The following OGDH variants were observed in gnomAD, a reference collection of about 807,000 sequenced individuals.
OGDH encodes the protein oxoglutarate dehydrogenase.
OGDH carries 38 observed loss-of-function variants against 116.6 expected under a neutral mutation model. The observed-to-expected ratio is 0.33, with a 90% CI of 0.25 to 0.43. The LOEUF (loss-of-function observed/expected upper bound fraction) is 0.43. Among genes scored for constraint, OGDH ranks in the 20% least tolerant of loss-of-function variants. OGDH has a pLI of 1.00. For missense variants in OGDH, 825 were observed against 1,357.2 expected (o/e 0.61, Z 6.16); for synonymous variants, 488 against 533.3 (o/e 0.92, Z 1.17).
At chr7:44,685,955 A>AT (rs1788108058) in intron 10 of OGDH, among the ~76,000 whole-genome samples, 1 of 152,022 alleles carries the variant, frequency 6.6e-6, no homozygotes, top group African/African-American at 2.4e-5. Context: ...TGGAGTATAT[A>AT]TCCAGAAGTG....
chr7:44,643,094 TA>T (rs769649359), intron 2 of OGDH, among the ~76,000 whole-genome samples: 6,229 of 124,436 alleles, frequency 0.05, 143 homozygotes, highest in East Asian at 0.12. Context: ...CCTGTTTCTT[TA>T]AAAAAAAAAA....
At chr7:44,649,766 C>T (rs1029602099) in intron 4 of OGDH, among the ~76,000 whole-genome samples, 3 of 152,134 alleles carry the variant, frequency 2.0e-5, no homozygotes, top group Non-Finnish European at 4.4e-5. Context: ...TGTCAACATA[C>T]GCACTAATTT....
rs968276587 is a variant in OGDH, at chr7:44,683,341, G to A, written c.1335+1493G>A. Among the ~76,000 whole-genome samples the A allele has an allele frequency of 1.7e-4, 26 of 152,126 alleles. No individual in the cohort carries two copies. The East Asian group carries it at 4.6e-3, about 27-fold the overall frequency. The stretch of plus-strand genomic sequence containing the variant: ...AACTCATGGACTCAAGCATCTTCCT[G>A]CCTCAGCCTCCCGAGTAGCAAGGAC... On this transcript the variant is annotated intron_variant, in intron 10 of 22. Transcript: ENST00000222673.
At chr7:44,662,358 A>G (rs959038835) in intron 4 of OGDH, among the ~76,000 whole-genome samples, 1 of 151,856 alleles carries the variant, frequency 6.6e-6, no homozygotes, top group Non-Finnish European at 1.5e-5. Context: ...CTTCATTCCT[A>G]CAGGACATTT....
At position 44,674,450 on chromosome 7, in the gene OGDH, G is replaced by A. The variant is rs769457671; in HGVS notation, c.828G>A (p.Lys276=). 6.2e-7 allele frequency: 1 copy of A among 1,614,162 alleles called. No homozygotes were observed. The highest frequency in any genetic ancestry group is 1.3e-5 in the African/African-American group (1 of 75,046). The change falls in exon 7 of 23, where the codon AAG becomes AAA. Residue 276 remains lysine (K), a synonymous_variant. Transcript: ENST00000222673. ...TACAGCGGAAGTGGTCCTCTGAGAA[G>A]CGCTTTGGTCTAGAAGGCTGCGAGG... is the stretch of plus-strand genomic sequence containing the variant. ...EFLQRKWSSE[K]RFGLEGCEVL...
chr7:44,629,342 T>C (rs1365451027), intron 2 of OGDH, among the ~76,000 whole-genome samples: 1 of 152,192 alleles, frequency 6.6e-6, no homozygotes, highest in Non-Finnish European at 1.5e-5. Context: ...TGGAAGGAGC[T>C]GGGGCCTGTT....
intron 4 of OGDH, among the ~76,000 whole-genome samples, chr7:44,655,773 T>G (rs914941651): frequency 1.3e-5 from 2 of 152,210 alleles, no homozygotes; most frequent in African/African-American, 4.8e-5. Context: ...TTGGGTTGTT[T>G]TCAGCTAGCA....
rs746287715 is a variant in OGDH at position 44,681,621 on chromosome 7, C to T, written c.1207-99C>T. The T allele has an allele frequency of 4.1e-4, 600 of 1,469,328 alleles. 1 individual carries two copies. The highest frequency in any genetic ancestry group is 5.3e-4 in the Non-Finnish European group (572 of 1,085,344). 91.0% of individuals were successfully genotyped at this position (1,469,328 alleles called of 1,614,324 possible). A position where few individuals can be genotyped will look rare whatever the true frequency, so the allele number is the denominator to read the frequency against. ...TTCTATGTTTGAAATTATCTCAAAACGTTATTTTTTGAAAAACAAATGATG... is the reference window on the plus strand; with the variant it reads ...TTCTATGTTTGAAATTATCTCAAAATGTTATTTTTTGAAAAACAAATGATG... On this transcript the variant is annotated intron_variant, in intron 9 of 22. Coordinates refer to ENST00000222673, the MANE Select transcript of OGDH (RefSeq NM_002541.4).
At position 44,616,938 on chromosome 7, in the gene OGDH, G is replaced by A. The variant is rs1784828805; in HGVS notation, c.-27-7379G>A. Among the ~76,000 whole-genome samples, 5 of 128,084 alleles carry A rather than the reference G, an allele frequency of 3.9e-5. No homozygotes were observed. The South Asian group carries it at 7.8e-4, about 20-fold the overall frequency. 84.0% of individuals were successfully genotyped at this position (128,084 alleles called of 152,430 possible). A position where few individuals can be genotyped will look rare whatever the true frequency, so the allele number is the denominator to read the frequency against. On this transcript the variant is annotated intron_variant, in intron 1 of 22. Coordinates refer to ENST00000222673, the MANE Select transcript of OGDH (RefSeq NM_002541.4). ...TGCACTCCATCCTGGACGACAGAGCGAGACTCCTTTCGGAGCTCTGGAGTC... is the reference window on the plus strand; with the variant it reads ...TGCACTCCATCCTGGACGACAGAGCAAGACTCCTTTCGGAGCTCTGGAGTC...
At chr7:44,643,983 G>T (rs1450691674) in intron 2 of OGDH, among the ~76,000 whole-genome samples, 1 of 152,184 alleles carries the variant, frequency 6.6e-6, no homozygotes, top group African/African-American at 2.4e-5. Flanking sequence ...AAAGCAAGTG[G>T]ATCACTTGAG....
At chr7:44,702,159 G>A (rs888891465) in intron 20 of OGDH, among the ~76,000 whole-genome samples, 2 of 151,846 alleles carry the variant, frequency 1.3e-5, no homozygotes, top group Non-Finnish European at 2.9e-5. Flanking sequence ...TTAACATGCA[G>A]CCCAGGAGCT....
At chr7:44,696,636 C>G in intron 14 of OGDH, 79 bp downstream of exon 14, 1 of 1,570,318 alleles carries the variant, frequency 6.4e-7, no homozygotes, top group Non-Finnish European at 8.7e-7. Flanking sequence ...GTGACCTTGG[C>G]CCCCACCCAT....
Position 44,660,942 on chromosome 7 carries a change from G to GCA in OGDH, c.518-5781_518-5780dup, listed in dbSNP as rs370545407. Among the ~76,000 whole-genome samples the GCA allele has an allele frequency of 9.3e-4, 138 of 148,600 alleles. 3 individuals carry two copies. The East Asian group carries it at 0.02, about 21-fold the overall frequency. ...GTAAACTACACACACACGCGCGTGT[G>GCA]CACACACACACACATCTGTTAGATC... is the stretch of plus-strand genomic sequence containing the variant. On this transcript the variant is annotated intron_variant, in intron 4 of 22. Coordinates refer to ENST00000222673, the MANE Select transcript of OGDH (RefSeq NM_002541.4).
chr7:44,611,782 T>C (rs1784577708), intron 1 of OGDH, among the ~76,000 whole-genome samples: 1 of 152,060 alleles, frequency 6.6e-6, no homozygotes, highest in South Asian at 2.1e-4. Context: ...TTTTCTTTTT[T>C]TTTTTATGTT....
chr7:44,636,238 G>C (rs1785664284), intron 2 of OGDH, among the ~76,000 whole-genome samples: 1 of 152,176 alleles, frequency 6.6e-6, no homozygotes, highest in Non-Finnish European at 1.5e-5. Context: ...CATGACAATG[G>C]GTGTCAGCTA....
In OGDH at chr7:44,693,900, C is replaced by T; in HGVS notation, c.1411C>T (p.Pro471Ser). The change falls in exon 11 of 23, where the codon CCC becomes TCC. Residue 471 changes from proline to serine, a missense_variant. By Grantham distance (74) the Pro-to-Ser change is moderately conservative. Transcript: ENST00000222673. ...TGACGTGGCCCGAGTGGTGAATGCC[C>T]CCATTTTCCACGTGAACTCAGATGA... ...PTDVARVVNA[P>S]IFHVNSDDPE... 1 of 1,614,106 alleles carries T rather than the reference C, an allele frequency of 6.2e-7. No individual in the cohort carries two copies. The highest frequency in any genetic ancestry group is 8.5e-7 in the Non-Finnish European group (1 of 1,179,980).
At position 44,708,179 on chromosome 7, in the gene OGDH, C is replaced by T; in HGVS notation, c.*180C>T. 2.5e-6 allele frequency: 2 copies of T among 789,240 alleles called. No individual in the cohort carries two copies. Among genetic ancestry groups the T allele is most frequent in the Non-Finnish European group, 3.9e-6 (2 of 513,020 alleles). The allele number at this position is 789,240 out of a possible 1,614,324, so 48.9% of individuals were successfully genotyped here. ...GTCCCCCTCCAGTGCTTGGCTGCCCCACAGGCCACACGCTGCCCAGGCTCT... is the reference window on the plus strand; with the variant it reads ...GTCCCCCTCCAGTGCTTGGCTGCCCTACAGGCCACACGCTGCCCAGGCTCT... On this transcript the variant is annotated 3_prime_UTR_variant, in exon 23 of 23. Coordinates refer to ENST00000222673, the MANE Select transcript of OGDH (RefSeq NM_002541.4).
chr7:44,697,099 G>C lies in OGDH; in HGVS notation c.2051+35G>C, dbSNP rs772452384. 6.3e-7 allele frequency: 1 copy of C among 1,599,260 alleles called. No individual in the cohort carries two copies. Among genetic ancestry groups the C allele is most frequent in the Non-Finnish European group, 8.6e-7 (1 of 1,168,310 alleles). Reference sequence around the variant, plus strand: ...TGGGCAGTTTTGTTTGCCCTCCAAAGAGTAGAAGATGGAAAGGGAGGGGTT... The same window carrying C: ...TGGGCAGTTTTGTTTGCCCTCCAAACAGTAGAAGATGGAAAGGGAGGGGTT... On this transcript the variant is annotated intron_variant, in intron 15 of 22. Coordinates refer to ENST00000222673, the MANE Select transcript of OGDH (RefSeq NM_002541.4). The surrounding 1 kb of genome is among the most constrained non-coding windows in gnomAD (Gnocchi z 6.0).
intron 2 of OGDH, among the ~76,000 whole-genome samples, chr7:44,641,815 G>A (rs1054995257): frequency 1.3e-5 from 2 of 152,218 alleles, no homozygotes; most frequent in Non-Finnish European, 2.9e-5. Flanking sequence ...GAAGTCAGAA[G>A]TACCTGAGGG....
Sources: gnomAD v4.1 joint callset for allele counts (sites outside exome capture counted in the v4.1 genomes callset) on GRCh38, gnomAD v4.1.1 for gene constraint, Gnocchi (gnomAD v3.1) non-coding constraint, MANE v1.5 for transcripts, NCBI Gene and HGNC (gene_info 2026-07-23, HGNC 2026-07-21) for gene names.